HHAT: variants seen among roughly 807,000 people sequenced by gnomAD.
The protein encoded by HHAT is protein-cysteine N-palmitoyltransferase HHAT.
In HHAT, 47 loss-of-function variants were observed where a neutral mutation model predicts 70.8. The observed-to-expected ratio is 0.66, with a 90% CI of 0.53 to 0.85. The LOEUF is 0.85. Ranked by LOEUF, HHAT falls within the 40% of genes least tolerant of loss-of-function variation. The pLI, the probability that HHAT is intolerant of heterozygous loss-of-function variation, is 0.00. For synonymous variants in HHAT, 228 were observed against 247.6 expected (o/e 0.92, Z 0.74); for missense variants, 609 against 604.8 (o/e 1.01, Z -0.07).
chr1:210,481,977 A>G (rs1265454529), intron 8 of HHAT, among the ~76,000 whole-genome samples: 1 of 152,154 alleles, frequency 6.6e-6, no homozygotes, highest in Non-Finnish European at 1.5e-5. Context: ...CTGTCATGGA[A>G]TATGGAGTGA....
At chr1:210,650,706 C>G (rs919677464) in intron 11 of HHAT, among the ~76,000 whole-genome samples, 2 of 152,122 alleles carry the variant, frequency 1.3e-5, no homozygotes, top group African/African-American at 4.8e-5. Flanking sequence ...CTTTCTAGGT[C>G]AGCTGGATAT....
At chr1:210,570,619 T>C (rs1656040072) in intron 9 of HHAT, among the ~76,000 whole-genome samples, 1 of 152,124 alleles carries the variant, frequency 6.6e-6, no homozygotes, top group Admixed American at 6.5e-5. Context: ...AGGATAGGCA[T>C]CAGGCTAAAA....
At chr1:210,637,874 G>GT (rs1168640351) in intron 11 of HHAT, among the ~76,000 whole-genome samples, 1 of 142,132 alleles carries the variant, frequency 7.0e-6, no homozygotes, top group Non-Finnish European at 1.6e-5. Flanking sequence ...AAAAAAAAGG[G>GT]GGGGGCAAAG....
intron 10 of HHAT, among the ~76,000 whole-genome samples, chr1:210,612,360 A>G (rs1666775212): frequency 6.6e-6 from 1 of 152,012 alleles, no homozygotes; most frequent in Non-Finnish European, 1.5e-5. Context: ...CTGTCTCTAT[A>G]TATTTGACTG....
At chr1:210,601,970 A>AGTGC (rs1553294016) in intron 10 of HHAT, among the ~76,000 whole-genome samples, 3 of 149,366 alleles carry the variant, frequency 2.0e-5, no homozygotes, top group Non-Finnish European at 4.4e-5. Flanking sequence ...TGTGTGTGAG[A>AGTGC]GTGTGTGTGT....
chr1:210,492,791 C>T (rs1572817329), intron 8 of HHAT, among the ~76,000 whole-genome samples: 1 of 152,064 alleles, frequency 6.6e-6, no homozygotes, highest in African/African-American at 2.4e-5. Context: ...TAGCAACTGG[C>T]TAGGTTATAG....
In HHAT at chr1:210,400,576, G is replaced by A. The variant is rs1475853230; in HGVS notation, c.382G>A (p.Ala128Thr). The A allele has an allele frequency of 1.2e-6, 2 of 1,614,096 alleles. No homozygotes were observed. The highest frequency in any genetic ancestry group is 1.7e-5 in the Admixed American group (1 of 60,014). The change falls in exon 5 of 12, where the codon GCC (alanine) becomes ACC (threonine). Residue 128 changes from alanine to threonine, a missense_variant. By Grantham distance (58) the Ala-to-Thr change is moderately conservative. Coordinates refer to ENST00000261458, the MANE Select transcript of HHAT (RefSeq NM_018194.6). ...CCATACCACCATCTCTTTCTGCGTG[G>A]CCCAGTTCCGGTCTCAGCTCCTGAC... Reference protein sequence around the residue: ...LLHTTISFCVAQFRSQLLTWL... With the variant: ...LLHTTISFCVTQFRSQLLTWL...
intron 11 of HHAT, among the ~76,000 whole-genome samples, chr1:210,625,031 A>G (rs1363823609): frequency 6.6e-6 from 1 of 152,236 alleles, no homozygotes; most frequent in Non-Finnish European, 1.5e-5. Context: ...ATGGCAGACC[A>G]TGGGCCTAAA....
At chr1:210,365,540 A>G (rs1558361957) in intron 3 of HHAT, among the ~76,000 whole-genome samples, 1 of 151,242 alleles carries the variant, frequency 6.6e-6, no homozygotes, top group Non-Finnish European at 1.5e-5. Flanking sequence ...CTGGTCTCAA[A>G]CTCCCAACCT....
At chr1:210,422,637 C>CT (rs1214008752) in intron 7 of HHAT, among the ~76,000 whole-genome samples, 1 of 151,964 alleles carries the variant, frequency 6.6e-6, no homozygotes, top group Non-Finnish European at 1.5e-5. Context: ...ACCACATTTT[C>CT]TTTTTTTTCT....
intron 10 of HHAT, among the ~76,000 whole-genome samples, chr1:210,610,717 C>G (rs1348771912): frequency 1.3e-5 from 2 of 152,124 alleles, no homozygotes; most frequent in Non-Finnish European, 2.9e-5. Context: ...GGTCCAGTTT[C>G]AATTTTCTGC....
chr1:210,587,676 C>G (rs1660766560), intron 9 of HHAT, among the ~76,000 whole-genome samples: 1 of 152,190 alleles, frequency 6.6e-6, no homozygotes, highest in Admixed American at 6.5e-5. Context: ...AATGAGAGCT[C>G]TTGAGCCTGT....
intron 7 of HHAT, among the ~76,000 whole-genome samples, chr1:210,441,768 C>T (rs2093514116): frequency 6.6e-6 from 1 of 151,826 alleles, no homozygotes; most frequent in African/African-American, 2.4e-5. Flanking sequence ...TTTTAACACA[C>T]AATAAATATA....
Position 210,674,619 on chromosome 1 carries a change from A to G in HHAT, c.*240A>G, listed in dbSNP as rs185965230. 16 of 492,516 alleles carry G rather than the reference A, an allele frequency of 3.2e-5. 1 individual carries two copies. Among genetic ancestry groups the G allele is most frequent in the African/African-American group, 2.9e-4 (15 of 51,668 alleles). 30.5% of individuals were successfully genotyped at this position (492,516 alleles called of 1,614,324 possible). On this transcript the variant is annotated 3_prime_UTR_variant, in exon 12 of 12. Transcript: ENST00000261458. ...ATTTTCCTATTGAGGAAACGGGTCC[A>G]GGGCAGTCGTGTGTCTTACCCAGCT...
chr1:210,367,986 G>T (rs2089175132), intron 3 of HHAT, among the ~76,000 whole-genome samples: 1 of 149,484 alleles, frequency 6.7e-6, no homozygotes, highest in Non-Finnish European at 1.5e-5. Context: ...GTTCTGGGGT[G>T]ATCTGTCGTT....
At chr1:210,523,493 A>T (rs1009213742) in intron 9 of HHAT, among the ~76,000 whole-genome samples, 2 of 152,022 alleles carry the variant, frequency 1.3e-5, no homozygotes, top group African/African-American at 4.8e-5. Context: ...ACTTCTGGGG[A>T]TTGGGCTAAG....
At chr1:210,436,916 C>A (rs1273624467) in intron 7 of HHAT, among the ~76,000 whole-genome samples, 1 of 151,804 alleles carries the variant, frequency 6.6e-6, no homozygotes, top group Non-Finnish European at 1.5e-5. Context: ...TTGATAGAAT[C>A]ATTGTTTCAT....
chr1:210,607,055 C>A (rs918716750), intron 10 of HHAT, among the ~76,000 whole-genome samples: 2 of 152,172 alleles, frequency 1.3e-5, no homozygotes, highest in Non-Finnish European at 2.9e-5. Flanking sequence ...AAGAGGGAAA[C>A]CTCGTGCTCT....
At chr1:210,513,039 G>GT in intron 8 of HHAT, 114 bp from the exon 9 acceptor site, 1 of 672,012 alleles carries the variant, frequency 1.5e-6, no homozygotes, top group Non-Finnish European at 2.6e-6. Context: ...AACTACTGTG[G>GT]TAGAGCAATC....
Sources: allele counts gnomAD v4.1 joint callset (sites outside exome capture counted in the v4.1 genomes callset), GRCh38; gene constraint gnomAD v4.1.1; transcripts MANE v1.5; gene names NCBI Gene and HGNC (gene_info 2026-07-23, HGNC 2026-07-21).